The following GTF2H1 variants were observed in gnomAD, a reference collection of about 807,000 sequenced individuals.
The protein encoded by GTF2H1 is BTF2 p62.
GTF2H1 carries 16 observed loss-of-function variants against 71.2 expected under a neutral mutation model. The observed-to-expected ratio is 0.22, with a 90% CI of 0.15 to 0.34. GTF2H1 has a LOEUF of 0.34. GTF2H1 is among the 10% of genes least tolerant of loss of function. GTF2H1 has a pLI of 1.00. For synonymous variants in GTF2H1, 215 were observed against 219.0 expected (o/e 0.98, Z 0.16); for missense variants, 498 against 648.2 (o/e 0.77, Z 2.52).
At chr11:18,323,303 A>T (rs1404625633) in intron 1 of GTF2H1, among the ~76,000 whole-genome samples, 3 of 150,990 alleles carry the variant, frequency 2.0e-5, no homozygotes, top group Non-Finnish European at 3.0e-5. Flanking sequence ...GACTTTTCTT[A>T]TTTTTTTTTA....
chr11:18,329,789 C>G (rs1285700877), intron 1 of GTF2H1, among the ~76,000 whole-genome samples: 1 of 152,112 alleles, frequency 6.6e-6, no homozygotes, highest in Non-Finnish European at 1.5e-5. Context: ...CTTCAAGACC[C>G]AATTTATAAC....
chr11:18,342,257 T>C (rs1590189040), intron 7 of GTF2H1, among the ~76,000 whole-genome samples: 2 of 53,194 alleles, frequency 3.8e-5, no homozygotes, highest in Non-Finnish European at 1.1e-4. Flanking sequence ...TGTCTCTTTT[T>C]TTTTTTTTTT....
intron 7 of GTF2H1, among the ~76,000 whole-genome samples, chr11:18,345,495 G>A (rs556015877): frequency 6.6e-6 from 1 of 150,596 alleles, no homozygotes; most frequent in Admixed American, 6.6e-5. Flanking sequence ...AACAGCATAT[G>A]GATCTTTTTT....
chr11:18,344,476 G>A (rs1482024780), intron 7 of GTF2H1, among the ~76,000 whole-genome samples: 1 of 151,824 alleles, frequency 6.6e-6, no homozygotes, highest in Non-Finnish European at 1.5e-5. Flanking sequence ...AAAATTAGCC[G>A]GGCCTGGCGG....
At chr11:18,348,943 A>G (rs1225085689) in intron 9 of GTF2H1, 4 of 152,046 alleles carry the variant, frequency 2.6e-5, no homozygotes, top group African/African-American at 4.8e-5. Flanking sequence ...CAGTGGTGCA[A>G]TCTCAGCTCA....
intron 6 of GTF2H1, 22 bp from the exon 7 acceptor site, chr11:18,341,506 T>A (rs760445723): frequency 1.2e-6 from 2 of 1,607,598 alleles, no homozygotes; most frequent in East Asian, 2.2e-5. Context: ...ATGCTGAACT[T>A]TTTATTTTGT....
intron 5 of GTF2H1, 39 bp from the exon 6 acceptor site, chr11:18,341,222 G>A: frequency 1.3e-6 from 2 of 1,550,018 alleles, no homozygotes; most frequent in Non-Finnish European, 1.8e-6. Context: ...TTTAAAAATG[G>A]AAATTCAGTA....
At position 18,339,668 on chromosome 11, in the gene GTF2H1, T is replaced by C. The variant is rs748508781; in HGVS notation, c.607+11T>C. The C allele has an allele frequency of 7.1e-7, 1 of 1,406,982 alleles. No individual in the cohort carries two copies. The highest frequency in any genetic ancestry group is 1.0e-6 in the Non-Finnish European group (1 of 993,628). The allele number at this position is 1,406,982 out of a possible 1,614,324, so 87.2% of individuals were successfully genotyped here. A position where few individuals can be genotyped will look rare whatever the true frequency, so the allele number is the denominator to read the frequency against. On this transcript the variant is annotated intron_variant, in intron 5 of 14. Coordinates refer to ENST00000265963, the MANE Select transcript of GTF2H1 (RefSeq NM_005316.4). ...GGACCTATCCAGCAGGTAAGAAGAATCAGTTCTTTCAGATGGTTAAAATAT... is the reference window on the plus strand; with the variant it reads ...GGACCTATCCAGCAGGTAAGAAGAACCAGTTCTTTCAGATGGTTAAAATAT...
chr11:18,352,027 C>T, intron 10 of GTF2H1, 58 bp downstream of exon 10: 1 of 856,906 alleles, frequency 1.2e-6, no homozygotes, highest in Non-Finnish European at 2.0e-6. Flanking sequence ...CAAAATATAT[C>T]CTACAAGTAT....
At chr11:18,351,280 G>A (rs1159870051) in intron 9 of GTF2H1, among the ~76,000 whole-genome samples, 2 of 125,478 alleles carry the variant, frequency 1.6e-5, no homozygotes, top group African/African-American at 5.8e-5. Context: ...GGGCAAAGAG[G>A]CGGAATTTTT....
At chr11:18,360,811 T>C (rs1022982743) in intron 14 of GTF2H1, 104 bp downstream of exon 14, 10 of 622,152 alleles carry the variant, frequency 1.6e-5, no homozygotes, top group Admixed American at 6.6e-5. Context: ...AATTTTCTTT[T>C]TTTTTTTTTT....
At position 18,341,243 on chromosome 11, in the gene GTF2H1, GT is replaced by G; in HGVS notation, c.608-17del. On this transcript the variant is annotated splice_polypyrimidine_tract_variant and intron_variant, in intron 5 of 14. Transcript: ENST00000265963. Reference sequence around the variant, plus strand: ...AATGGAAATTCAGTATATAATATTTGTGGGTTTTTTTCCACAGTAAAAATGA... The same window carrying G: ...AATGGAAATTCAGTATATAATATTTGGGGTTTTTTTCCACAGTAAAAATGA... 1 of 1,596,798 alleles carries G rather than the reference GT, an allele frequency of 6.3e-7. No individual in the cohort carries two copies. The highest frequency in any genetic ancestry group is 1.1e-5 in the South Asian group (1 of 88,856).
rs373166085 is a variant in GTF2H1, at chr11:18,335,864, C to A, written c.265C>A (p.Arg89=). The change falls in exon 3 of 15, where the codon CGA becomes AGA. Residue 89 remains arginine, a synonymous_variant. Transcript: ENST00000265963. ...FSNESTAVKE[R]DAVKDLLQQL... ...CAATGAAAGCACAGCAGTGAAAGAG[C>A]GAGATGCAGTAAAAGACCTTCTTCA... is the stretch of plus-strand genomic sequence containing the variant. 7.4e-6 allele frequency: 12 copies of A among 1,613,656 alleles called. No homozygotes were observed. The African/African-American group carries it at 1.6e-4, about 22-fold the overall frequency.
At chr11:18,333,485 C>A in intron 2 of GTF2H1, 1 of 263,416 alleles carries the variant, frequency 3.8e-6, no homozygotes, top group Non-Finnish European at 7.1e-6. Context: ...CATAATACTC[C>A]ACTAAATGAA....
At chr11:18,353,495 C>T (rs149526301) in intron 11 of GTF2H1, among the ~76,000 whole-genome samples, 75 of 152,332 alleles carry the variant, frequency 4.9e-4, no homozygotes, top group African/African-American at 1.6e-3. Context: ...TTCATGCTTC[C>T]TGTGCTTCGG....
intron 7 of GTF2H1, among the ~76,000 whole-genome samples, chr11:18,344,927 C>T (rs1865251215): frequency 6.6e-6 from 1 of 152,070 alleles, no homozygotes; most frequent in African/African-American, 2.4e-5. Flanking sequence ...CATTTCTCGC[C>T]AGGTGGGGTG....
chr11:18,353,278 A>G (rs1322377046), intron 11 of GTF2H1, among the ~76,000 whole-genome samples: 2 of 152,246 alleles, frequency 1.3e-5, no homozygotes, highest in Non-Finnish European at 2.9e-5. Context: ...GTATTTTATC[A>G]CTGCGGCTTG....
intron 7 of GTF2H1, among the ~76,000 whole-genome samples, chr11:18,344,906 T>A (rs1865250422): frequency 6.6e-6 from 1 of 152,134 alleles, no homozygotes; most frequent in African/African-American, 2.4e-5. Context: ...TTTAGATACC[T>A]GTTCTAATGT....
At position 18,344,064 on chromosome 11, in the gene GTF2H1, A is replaced by G. The variant is rs185836286; in HGVS notation, c.837+2457A>G. Among the ~76,000 whole-genome samples the G allele has an allele frequency of 3.9e-5, 6 of 151,912 alleles. No individual in the cohort carries two copies. In the South Asian group the frequency reaches 6.2e-4, roughly 16 times the overall value. ...TGGTCTGAACTCCTGGGCTCAAGCT[A>G]TTTTTCCACCTCGGCCTCCTAAAGT... On this transcript the variant is annotated intron_variant, in intron 7 of 14. Coordinates refer to ENST00000265963, the MANE Select transcript of GTF2H1 (RefSeq NM_005316.4).
Sources: allele counts gnomAD v4.1 joint callset (sites outside exome capture counted in the v4.1 genomes callset), GRCh38; gene constraint gnomAD v4.1.1; transcripts MANE v1.5; gene names NCBI Gene and HGNC (gene_info 2026-07-23, HGNC 2026-07-21).